LUZP2: variants seen among roughly 807,000 people sequenced by gnomAD.
The protein encoded by LUZP2 is leucine zipper protein 2.
A neutral mutation model predicts 51.6 loss-of-function variants in LUZP2; 52 were observed. That is an observed-to-expected ratio of 1.01 (90% confidence interval 0.81 to 1.27). The LOEUF (loss-of-function observed/expected upper bound fraction) is 1.27, where lower values mean the gene tolerates loss of function less well. Among genes scored for constraint, LUZP2 ranks in the 50% most tolerant of loss-of-function variants. The probability of loss-of-function intolerance (pLI) is 0.00; values close to 1 mark genes in which losing one functional copy is unlikely to be tolerated. For missense variants in LUZP2, 436 were observed against 395.4 expected (o/e 1.10, Z -0.87); for synonymous variants, 154 against 137.3 (o/e 1.12, Z -0.85).
intron 9 of LUZP2, among the ~76,000 whole-genome samples, chr11:25,038,230 C>G (rs1053060551): frequency 2.7e-4 from 41 of 152,172 alleles, no homozygotes; most frequent in African/African-American, 8.9e-4. Flanking sequence ...ATTTTTCTGT[C>G]TGACATAATT....
chr11:24,765,613 C>CT (rs55867851), intron 5 of LUZP2, among the ~76,000 whole-genome samples: 85,952 of 143,294 alleles, frequency 0.6, 25,801 homozygotes, highest in Non-Finnish European at 0.66. Context: ...TAATTTTTTC[C>CT]TTTTTTTTCT....
intron 1 of LUZP2, among the ~76,000 whole-genome samples, chr11:24,702,527 G>A (rs1220334890): frequency 6.6e-6 from 1 of 152,190 alleles, no homozygotes; most frequent in Non-Finnish European, 1.5e-5. Context: ...GGCAAAGCAG[G>A]AGCAGACATT....
intron 10 of LUZP2, among the ~76,000 whole-genome samples, chr11:25,074,164 G>T (rs1859236288): frequency 1.3e-5 from 2 of 152,104 alleles, no homozygotes; most frequent in Non-Finnish European, 2.9e-5. Context: ...TGTCCTGTTT[G>T]CAACAGAGTG....
At chr11:24,878,626 G>T (rs3958180) in intron 5 of LUZP2, among the ~76,000 whole-genome samples, 71,823 of 149,364 alleles carry the variant, frequency 0.48, 17,579 homozygotes, top group East Asian at 0.69. Context: ...ATCCCTTTTA[G>T]TTTTTATTTT....
chr11:24,708,714 T>C lies in LUZP2; in HGVS notation c.63-20455T>C, dbSNP rs573005475. Among the ~76,000 whole-genome samples, 4 of 152,220 alleles carry C rather than the reference T, an allele frequency of 2.6e-5. No individual in the cohort carries two copies. In the South Asian group the frequency reaches 8.3e-4, roughly 32 times the overall value. On this transcript the variant is annotated intron_variant, in intron 1 of 11. Coordinates refer to ENST00000336930, the MANE Select transcript of LUZP2 (RefSeq NM_001009909.4). ...GCCCAAAGTATGATTCAAGAATTCA[T>C]ATTTCTGCCAAGTTGCCAGACAATG...
chr11:24,937,557 C>T (rs1346403560), intron 7 of LUZP2, among the ~76,000 whole-genome samples: 2 of 152,080 alleles, frequency 1.3e-5, no homozygotes, highest in Non-Finnish European at 2.9e-5. Context: ...AAATTACCAG[C>T]TTACTTTTTT....
chr11:24,512,489 G>A (rs1850341553), intron 1 of LUZP2, among the ~76,000 whole-genome samples: 1 of 152,234 alleles, frequency 6.6e-6, no homozygotes, highest in East Asian at 1.9e-4. Flanking sequence ...CATAAAAATT[G>A]AGAGAACTTC....
At chr11:24,791,410 G>A (rs138916047) in intron 5 of LUZP2, among the ~76,000 whole-genome samples, 1,867 of 152,254 alleles carry the variant, frequency 0.012, 20 homozygotes, top group Admixed American at 0.019. Flanking sequence ...AACATTCTGA[G>A]TGGAGCTCTG....
chr11:24,633,607 A>G (rs1471663642), intron 1 of LUZP2, among the ~76,000 whole-genome samples: 2 of 152,038 alleles, frequency 1.3e-5, no homozygotes, highest in Non-Finnish European at 2.9e-5. Flanking sequence ...GGCAAGTAAT[A>G]TAATTCAGAA....
At chr11:24,628,140 G>T (rs1854747987) in intron 1 of LUZP2, among the ~76,000 whole-genome samples, 1 of 151,684 alleles carries the variant, frequency 6.6e-6, no homozygotes, top group African/African-American at 2.4e-5. Context: ...TTTAAATTTT[G>T]GAACACAGAT....
intron 4 of LUZP2, among the ~76,000 whole-genome samples, chr11:24,744,013 C>T (rs1337932873): frequency 6.6e-6 from 1 of 151,860 alleles, no homozygotes; most frequent in Non-Finnish European, 1.5e-5. Context: ...GTGGTGTATC[C>T]CATGTATTGA....
chr11:24,981,768 C>T, intron 8 of LUZP2, among the ~76,000 whole-genome samples: 1 of 151,766 alleles, frequency 6.6e-6, no homozygotes, highest in East Asian at 1.9e-4. Flanking sequence ...ATTCTAAATA[C>T]AGAAAGTTGA....
intron 7 of LUZP2, among the ~76,000 whole-genome samples, chr11:24,925,414 A>G (rs1048699331): frequency 2.6e-5 from 4 of 152,208 alleles, no homozygotes; most frequent in African/African-American, 9.6e-5. Context: ...CTACCAGTTT[A>G]AAAGAACCAA....
At chr11:24,946,818 CCA>C (rs1412812157) in intron 7 of LUZP2, among the ~76,000 whole-genome samples, 9 of 151,824 alleles carry the variant, frequency 5.9e-5, no homozygotes, top group African/African-American at 2.2e-4. Flanking sequence ...TTTTGTTACT[CCA>C]ATTTAGCTAT....
chr11:24,704,272 T>C (rs1857503331), intron 1 of LUZP2, among the ~76,000 whole-genome samples: 1 of 152,202 alleles, frequency 6.6e-6, no homozygotes, highest in South Asian at 2.1e-4. Flanking sequence ...TATTTATAAC[T>C]ATATTTTGCT....
At chr11:24,511,792 T>C (rs1233051629) in intron 1 of LUZP2, among the ~76,000 whole-genome samples, 1 of 152,216 alleles carries the variant, frequency 6.6e-6, no homozygotes, top group African/African-American at 2.4e-5. Flanking sequence ...TCTTGAACTT[T>C]TTCCGATGAG....
chr11:25,047,356 C>T (rs1858344915), intron 9 of LUZP2, among the ~76,000 whole-genome samples: 1 of 48,252 alleles, frequency 2.1e-5, no homozygotes, highest in African/African-American at 7.9e-5. Context: ...TTTTTTTTTA[C>T]TTTTTAATTT....
intron 9 of LUZP2, among the ~76,000 whole-genome samples, chr11:24,999,232 A>G (rs1856601171): frequency 6.6e-6 from 1 of 152,174 alleles, no homozygotes. Context: ...ATTGACCTTC[A>G]ATTATACTTC....
At chr11:24,695,104 A>C (rs1398503046) in intron 1 of LUZP2, among the ~76,000 whole-genome samples, 1 of 151,702 alleles carries the variant, frequency 6.6e-6, no homozygotes, top group Non-Finnish European at 1.5e-5. Flanking sequence ...TACTATGTCC[A>C]AAAAGTTTTC....
Sources: allele counts gnomAD v4.1 joint callset (sites outside exome capture counted in the v4.1 genomes callset), GRCh38; gene constraint gnomAD v4.1.1; transcripts MANE v1.5; gene names NCBI Gene and HGNC (gene_info 2026-07-23, HGNC 2026-07-21).